Variants in ARHGAP20 observed in about 807,000 individuals in gnomAD.
ARHGAP20 encodes rho GTPase-activating protein 20.
Under a neutral mutation model 73.7 loss-of-function variants are expected in ARHGAP20, and 34 were observed. The ratio of observed to expected loss-of-function variants is 0.46; its 90% CI spans 0.35 to 0.61. ARHGAP20 has a LOEUF of 0.61. Among genes scored for constraint, ARHGAP20 ranks in the 20% least tolerant of loss-of-function variants. The pLI is 0.00. For synonymous variants in ARHGAP20, 523 were observed against 518.2 expected, an observed-to-expected ratio of 1.01 and a Z score of -0.13; for missense variants, 1,314 against 1,420.9, an observed-to-expected ratio of 0.92 and a Z score of 1.21.
rs966704845 is a variant in ARHGAP20, at chr11:110,579,840, T to C, written c.3106A>G (p.Thr1036Ala). Reference sequence around the variant, plus strand: ...CTGGCCACACCATTTCTCAACCATGTGCTGGGATGAAGAGTTACAGAATGC... The same window carrying C: ...CTGGCCACACCATTTCTCAACCATGCGCTGGGATGAAGAGTTACAGAATGC... ...QMHSVTLHPS[T>A]WLRNGVASLK... The change falls in exon 15 of 15, where the codon ACA (threonine) becomes GCA (alanine). Residue 1036 changes from threonine to alanine, a missense_variant. Coordinates refer to ENST00000683387, the MANE Select transcript of ARHGAP20 (RefSeq NM_001384657.1). 1 of 1,614,208 alleles carries C rather than the reference T, an allele frequency of 6.2e-7. No individual in the cohort carries two copies. The highest frequency in any genetic ancestry group is 2.2e-5 in the East Asian group (1 of 44,886).
intron 5 of ARHGAP20, 119 bp downstream of exon 5, chr11:110,615,434 G>T: frequency 1.1e-6 from 1 of 873,716 alleles, no homozygotes; most frequent in Non-Finnish European, 1.8e-6. Context: ...TTATTTAGAG[G>T]TCAAATGAAC....
chr11:110,588,077 A>C (rs1947718306), intron 11 of ARHGAP20, among the ~76,000 whole-genome samples: 1 of 152,210 alleles, frequency 6.6e-6, no homozygotes, highest in Non-Finnish European at 1.5e-5. Flanking sequence ...AACATCATTA[A>C]CATCTTAAAC....
chr11:110,689,670 G>A (rs1213157755), intron 2 of ARHGAP20, among the ~76,000 whole-genome samples: 1 of 152,052 alleles, frequency 6.6e-6, no homozygotes, highest in Non-Finnish European at 1.5e-5. Flanking sequence ...AGGAGTATTG[G>A]GTGACCATCA....
At position 110,579,235 on chromosome 11, in the gene ARHGAP20, C is replaced by A. The variant is rs889583819; in HGVS notation, c.*135G>T. ...GTAGTCTCAATAAAGAGAATTATTT[C>A]GTTGTCCTAAGTATTAGCAATGATA... is the stretch of plus-strand genomic sequence containing the variant. On this transcript the variant is annotated 3_prime_UTR_variant, in exon 15 of 15. Coordinates refer to ENST00000683387, the MANE Select transcript of ARHGAP20 (RefSeq NM_001384657.1). 2.2e-6 allele frequency: 3 copies of A among 1,370,688 alleles called. No individual in the cohort carries two copies. Among genetic ancestry groups the A allele is most frequent in the Non-Finnish European group, 2.8e-6 (3 of 1,059,668 alleles). 84.9% of individuals were successfully genotyped at this position (1,370,688 alleles called of 1,614,324 possible). A position where few individuals can be genotyped will look rare whatever the true frequency, so the allele number is the denominator to read the frequency against.
At chr11:110,642,058 T>C (rs554844307) in intron 2 of ARHGAP20, among the ~76,000 whole-genome samples, 1 of 152,182 alleles carries the variant, frequency 6.6e-6, no homozygotes, top group South Asian at 2.1e-4. Context: ...AATGGTACAC[T>C]TAAAGGAACG....
intron 1 of ARHGAP20, among the ~76,000 whole-genome samples, chr11:110,711,121 AC>A (rs1324592350): frequency 6.6e-6 from 1 of 152,128 alleles, no homozygotes; most frequent in Non-Finnish European, 1.5e-5. Flanking sequence ...AGGGAGCGAA[AC>A]GGCAGAGGCC....
chr11:110,651,495 G>A (rs1486381101), intron 2 of ARHGAP20, among the ~76,000 whole-genome samples: 4 of 151,268 alleles, frequency 2.6e-5, no homozygotes, highest in Non-Finnish European at 4.4e-5. Context: ...TAACATGGAA[G>A]AAGAGACAGA....
chr11:110,585,266 G>C (rs1262236706), intron 12 of ARHGAP20, among the ~76,000 whole-genome samples: 2 of 151,340 alleles, frequency 1.3e-5, no homozygotes, highest in African/African-American at 4.8e-5. Flanking sequence ...ATTTGCATGA[G>C]AGTCATAATT....
chr11:110,679,774 T>G (rs1342542513), intron 2 of ARHGAP20, among the ~76,000 whole-genome samples: 1 of 152,172 alleles, frequency 6.6e-6, no homozygotes, highest in Non-Finnish European at 1.5e-5. Flanking sequence ...GAGACTAGAA[T>G]CCATTCTCTG....
chr11:110,657,955 G>GAAGA (rs1949508075), intron 2 of ARHGAP20, among the ~76,000 whole-genome samples: 1 of 150,326 alleles, frequency 6.7e-6, no homozygotes, highest in Non-Finnish European at 1.5e-5. Context: ...AGGAAGGAAG[G>GAAGA]AAGGAAGGAA....
chr11:110,675,767 C>T (rs986031733), intron 2 of ARHGAP20, among the ~76,000 whole-genome samples: 6 of 152,188 alleles, frequency 3.9e-5, no homozygotes, highest in Admixed American at 3.9e-4. Context: ...AGGACTCCTA[C>T]TTATCCCTCA....
chr11:110,619,849 T>C (rs752268611), intron 4 of ARHGAP20, among the ~76,000 whole-genome samples: 5 of 152,124 alleles, frequency 3.3e-5, no homozygotes, highest in African/African-American at 1.2e-4. Flanking sequence ...TATGTAGTGA[T>C]AGAGATGAAA....
At chr11:110,590,217 G>A (rs969389546) in intron 11 of ARHGAP20, among the ~76,000 whole-genome samples, 5 of 151,332 alleles carry the variant, frequency 3.3e-5, no homozygotes, top group Admixed American at 2.0e-4. Flanking sequence ...TGAGCCAAAT[G>A]TTTATTATGG....
rs550320273 is a variant in ARHGAP20, at chr11:110,678,106, C to A, written c.188+12441G>T. On this transcript the variant is annotated intron_variant, in intron 2 of 14. Transcript: ENST00000683387. ...ATCATGCTAACTGAAAGAAGCTAGC[C>A]ACCAAGACCAAACAGCACACGATTT... Among the ~76,000 whole-genome samples the A allele has an allele frequency of 2.0e-5, 3 of 152,190 alleles. No individual in the cohort carries two copies. The South Asian group carries it at 6.3e-4, about 32-fold the overall frequency.
intron 8 of ARHGAP20, among the ~76,000 whole-genome samples, chr11:110,608,538 G>A (rs1189517479): frequency 3.3e-5 from 5 of 152,090 alleles, no homozygotes; most frequent in African/African-American, 7.2e-5. Flanking sequence ...TGGGTACATA[G>A]CAGGTATTAC....
At chr11:110,666,953 T>G (rs1403895973) in intron 2 of ARHGAP20, among the ~76,000 whole-genome samples, 5 of 152,196 alleles carry the variant, frequency 3.3e-5, no homozygotes, top group Non-Finnish European at 1.5e-5. Context: ...TCTCTTCAAT[T>G]CTATGAAGGC....
chr11:110,618,576 A>G (rs953825801), intron 4 of ARHGAP20, among the ~76,000 whole-genome samples: 3 of 152,200 alleles, frequency 2.0e-5, no homozygotes, highest in Non-Finnish European at 4.4e-5. Flanking sequence ...GTGATAGTGT[A>G]TATGTAGTGA....
intron 2 of ARHGAP20, among the ~76,000 whole-genome samples, chr11:110,671,540 G>A (rs1411655464): frequency 6.6e-6 from 1 of 151,986 alleles, no homozygotes; most frequent in Non-Finnish European, 1.5e-5. Context: ...AAATTAGAGT[G>A]GAAGAAGTAA....
chr11:110,585,004 AATATG>A (rs1310802417), intron 12 of ARHGAP20, among the ~76,000 whole-genome samples: 165 of 143,786 alleles, frequency 1.1e-3, no homozygotes, highest in Non-Finnish European at 2.1e-3. Context: ...TGAATATATG[AATATG>A]TATGTGAACA....
Sources: gnomAD v4.1 joint callset for allele counts (sites outside exome capture counted in the v4.1 genomes callset) on GRCh38, gnomAD v4.1.1 for gene constraint, MANE v1.5 for transcripts, NCBI Gene and HGNC (gene_info 2026-07-23, HGNC 2026-07-21) for gene names.